The following ZNF560 variants were observed in gnomAD, a reference collection of about 807,000 sequenced individuals.
ZNF560 encodes zinc finger protein 560.
Under a neutral mutation model 81.8 loss-of-function variants are expected in ZNF560, and 54 were observed. That is an observed-to-expected ratio of 0.66 (90% CI 0.53 to 0.83). The LOEUF is 0.83. Ranked by LOEUF, ZNF560 falls within the 40% of genes least tolerant of loss-of-function variation. The pLI, the probability that ZNF560 is intolerant of heterozygous loss-of-function variation, is 0.00. For missense variants in ZNF560, 940 were observed against 932.4 expected (o/e 1.01, Z -0.11); for synonymous variants, 321 against 317.9 (o/e 1.01, Z -0.10).
chr19:9,475,277 T>G lies in ZNF560; in HGVS notation c.30+7A>C. ...TCATTTTGTGGAAGTATACATTTTC[T>G]GCATACCTGATAACAATTTGTCAGG... On this transcript the variant is annotated splice_region_variant and intron_variant, in intron 3 of 9. Transcript: ENST00000301480. 6 of 1,613,804 alleles carry G rather than the reference T, an allele frequency of 3.7e-6. No homozygotes were observed. Among genetic ancestry groups the G allele is most frequent in the Non-Finnish European group, 5.1e-6 (6 of 1,179,948 alleles).
At chr19:9,503,401 C>T (rs2073647285), upstream of ZNF560, among the ~76,000 whole-genome samples, 1 of 151,968 alleles carries the variant, frequency 6.6e-6, no homozygotes, top group African/African-American at 2.4e-5. Context: ...CTGGAAAGTC[C>T]AAGAACAAGG....
At chr19:9,478,137 G>A (rs953948014) in intron 2 of ZNF560, among the ~76,000 whole-genome samples, 2 of 152,116 alleles carry the variant, frequency 1.3e-5, no homozygotes, top group African/African-American at 4.8e-5. Context: ...GATCTTGGAA[G>A]CAGCATGAAA....
chr19:9,480,361 G>C (rs2073267423), intron 2 of ZNF560, among the ~76,000 whole-genome samples: 1 of 151,356 alleles, frequency 6.6e-6, no homozygotes, highest in African/African-American at 2.4e-5. Context: ...TTCACAAATA[G>C]GTGGAAATGA....
rs1358757140 is a variant in ZNF560, at chr19:9,480,974, T to A, written c.-56-5605A>T. ...TGGTGCACGCCTGTAGTCCCAGCTA[T>A]TCAGGAGGCTGAGGTAGGAGGATAG... On this transcript the variant is annotated intron_variant, in intron 2 of 9. Transcript: ENST00000301480. Among the ~76,000 whole-genome samples the A allele has an allele frequency of 3.3e-5, 5 of 151,620 alleles. No homozygotes were observed. The East Asian group carries it at 9.7e-4, about 29-fold the overall frequency.
At chr19:9,483,680 G>A (rs1163828051) in intron 2 of ZNF560, among the ~76,000 whole-genome samples, 3 of 148,182 alleles carry the variant, frequency 2.0e-5, no homozygotes, top group East Asian at 2.1e-4. Context: ...GAGGTGGGGG[G>A]CGCCTCCGCC....
chr19:9,497,364 A>T lies in ZNF560; in HGVS notation c.-57+764T>A, dbSNP rs991943905. ...ATCCTGGCTATCACGGTGAAACCCC[A>T]TCTCTACAAAAATACAAAAAATTAT... is the stretch of plus-strand genomic sequence containing the variant. On this transcript the variant is annotated intron_variant, in intron 2 of 9. Coordinates refer to ENST00000301480, the MANE Select transcript of ZNF560 (RefSeq NM_152476.3). Among the ~76,000 whole-genome samples, 6 of 151,872 alleles carry T rather than the reference A, an allele frequency of 4.0e-5. No individual in the cohort carries two copies. The East Asian group carries it at 9.7e-4, about 24-fold the overall frequency.
Position 9,478,101 on chromosome 19 carries a change from C to G in ZNF560, c.-56-2732G>C, listed in dbSNP as rs2073230877. Among the ~76,000 whole-genome samples the G allele has an allele frequency of 2.0e-5, 3 of 152,022 alleles. No individual in the cohort carries two copies. The South Asian group carries it at 6.2e-4, about 32-fold the overall frequency. ...TACCCTAAGATATAATATAATCAAA[C>G]AGTCAAAAATGAAAAGCAAAGTGAA... On this transcript the variant is annotated intron_variant, in intron 2 of 9. Transcript: ENST00000301480.
At chr19:9,449,753 G>A in the ZNF560 span, among the ~76,000 whole-genome samples, 4 of 152,106 alleles carry the variant, frequency 2.6e-5, no homozygotes, top group South Asian at 8.3e-4. Context: ...TGGATCACCT[G>A]AGGTGAGGAG....
chr19:9,466,973 A>G lies in ZNF560; in HGVS notation c.1974T>C (p.Cys658=). ...TACTGTAAGCTTTTTCACATGCATT[A>G]CATTTATAGGGTTTATATCCAGTGT... ...RTHTGYKPYK[C]NACEKAYSRS... is the part of the protein sequence containing the mutation. The change falls in exon 10 of 10, where the codon TGT becomes TGC. Residue 658 remains cysteine, a synonymous_variant. Coordinates refer to ENST00000301480, the MANE Select transcript of ZNF560 (RefSeq NM_152476.3). The G allele has an allele frequency of 6.2e-7, 1 of 1,614,094 alleles. No homozygotes were observed. Among genetic ancestry groups the G allele is most frequent in the Non-Finnish European group, 8.5e-7 (1 of 1,180,016 alleles).
intron 2 of ZNF560, among the ~76,000 whole-genome samples, chr19:9,480,240 A>G (rs1568459274): frequency 6.6e-6 from 1 of 152,236 alleles, no homozygotes; most frequent in East Asian, 1.9e-4. Flanking sequence ...CAACAACAAC[A>G]ACAACAAAGC....
upstream of ZNF560, among the ~76,000 whole-genome samples, chr19:9,501,382 G>GT (rs2073632141): frequency 7.5e-6 from 1 of 133,366 alleles, no homozygotes; most frequent in African/African-American, 2.8e-5. Flanking sequence ...TGTGTGTGTG[G>GT]AGTGTTGCTC....
At chr19:9,471,485 T>C in intron 5 of ZNF560, 107 bp from the exon 6 acceptor site, 4 of 733,246 alleles carry the variant, frequency 5.5e-6, no homozygotes, top group Non-Finnish European at 7.6e-6. Flanking sequence ...AAAATAAACA[T>C]AAGAAAAAAG....
At chr19:9,503,069 A>G (rs991994715), upstream of ZNF560, among the ~76,000 whole-genome samples, 1 of 151,958 alleles carries the variant, frequency 6.6e-6, no homozygotes, top group African/African-American at 2.4e-5. Context: ...TAAATTTCCT[A>G]CTGAGGCCAG....
At chr19:9,497,534 C>CAA (rs58468618) in intron 2 of ZNF560, among the ~76,000 whole-genome samples, 496 of 66,908 alleles carry the variant, frequency 7.4e-3, no homozygotes, top group Non-Finnish European at 9.6e-3. Context: ...GACCCCCTCT[C>CAA]AAAAAAAAAA....
At chr19:9,470,572 G>A (rs1415317802) in intron 6 of ZNF560, 54 bp from the exon 7 acceptor site, 2 of 1,613,720 alleles carry the variant, frequency 1.2e-6, no homozygotes, top group Non-Finnish European at 1.7e-6. Flanking sequence ...CACCAATGTT[G>A]GCTGAAGAAT....
chr19:9,495,140 C>CA (rs895899868), intron 2 of ZNF560, among the ~76,000 whole-genome samples: 13 of 149,142 alleles, frequency 8.7e-5, no homozygotes, highest in South Asian at 4.2e-4. Context: ...ACTCTATCAC[C>CA]AAAAAAAAAT....
the ZNF560 span, among the ~76,000 whole-genome samples, chr19:9,460,966 C>A: frequency 6.6e-6 from 1 of 152,174 alleles, no homozygotes; most frequent in African/African-American, 2.4e-5. Context: ...ATAAAACGAT[C>A]AGATGGTAAA....
Position 9,468,325 on chromosome 19 carries a change from G to T in ZNF560, c.622C>A (p.Gln208Lys). Reference protein sequence around the residue: ...TLNGIQLARNQNGEELYDCKQ... With the variant: ...TLNGIQLARNKNGEELYDCKQ... ...CAGTCATAGAGTTCCTCTCCATTTT[G>T]GTTTCTTGCCTGTTAACACAGGAAT... Residue 208 changes from glutamine to lysine, a missense_variant, in exon 10 of 10, where the codon CAA (glutamine) becomes AAA (lysine). Transcript: ENST00000301480. The T allele has an allele frequency of 6.3e-7, 1 of 1,587,922 alleles. No homozygotes were observed. The highest frequency in any genetic ancestry group is 2.2e-5 in the East Asian group (1 of 44,606).
rs2144691113 is a variant in ZNF560, at chr19:9,471,240, G to T, written c.321+56C>A. On this transcript the variant is annotated intron_variant, in intron 6 of 9. Transcript: ENST00000301480. Reference sequence around the variant, plus strand: ...TCTTTTGTGCTTATTTTCTATATTGGAAGTCCCAATATTCTCTGAGTGTGA... The same window carrying T: ...TCTTTTGTGCTTATTTTCTATATTGTAAGTCCCAATATTCTCTGAGTGTGA... The T allele has an allele frequency of 3.9e-6, 5 of 1,295,276 alleles. No homozygotes were observed. The African/African-American group carries it at 7.6e-5, about 20-fold the overall frequency. The allele number at this position is 1,295,276 out of a possible 1,614,324, so 80.2% of individuals were successfully genotyped here. A position where few individuals can be genotyped will look rare whatever the true frequency, so the allele number is the denominator to read the frequency against.
Sources: gnomAD v4.1 joint callset for allele counts (sites outside exome capture counted in the v4.1 genomes callset) on GRCh38, gnomAD v4.1.1 for gene constraint, MANE v1.5 for transcripts, NCBI Gene and HGNC (gene_info 2026-07-23, HGNC 2026-07-21) for gene names.